The following GHRHR variants were observed in gnomAD, a reference collection of about 807,000 sequenced individuals.
GHRHR encodes the protein growth hormone-releasing hormone receptor.
In GHRHR, 40 loss-of-function variants were observed where a neutral mutation model predicts 58.3. The observed-to-expected ratio is 0.69, with a 90% CI of 0.53 to 0.89. The LOEUF (loss-of-function observed/expected upper bound fraction) is 0.89. GHRHR is among the 40% of genes least tolerant of loss of function. The pLI, the probability that GHRHR is intolerant of heterozygous loss-of-function variation, is 0.00. For synonymous variants in GHRHR, 249 were observed against 216.6 expected (o/e 1.15, Z -1.31); for missense variants, 551 against 541.3 (o/e 1.02, Z -0.18).
At chr7:30,965,834 C>T (rs1230271714) in intron 1 of GHRHR, among the ~76,000 whole-genome samples, 4 of 152,222 alleles carry the variant, frequency 2.6e-5, no homozygotes, top group African/African-American at 4.8e-5. Context: ...CATACAGGCC[C>T]ATCTGCCCTC....
At chr7:30,971,883 C>T in intron 5 of GHRHR, 80 bp from the exon 6 acceptor site, 1 of 1,306,674 alleles carries the variant, frequency 7.7e-7, no homozygotes, top group Non-Finnish European at 1.1e-6. Flanking sequence ...CACCTCCTGC[C>T]CTGTTCAGCC....
intron 4 of GHRHR, among the ~76,000 whole-genome samples, chr7:30,970,440 C>G (rs1047661577): frequency 6.6e-6 from 1 of 152,226 alleles, no homozygotes; most frequent in African/African-American, 2.4e-5. Flanking sequence ...CCAGCAGGGC[C>G]TTTGCCAGGC....
At position 30,974,350 on chromosome 7, in the gene GHRHR, G is replaced by C. The variant is rs117780502; in HGVS notation, c.752-79G>C. ...TTTGCAGTGCCCTACGTGGCTGATG[G>C]TGGTGGTGGGAGGTGGCGCCAGATC... is the stretch of plus-strand genomic sequence containing the variant. On this transcript the variant is annotated intron_variant, in intron 7 of 12. Coordinates refer to ENST00000326139, the MANE Select transcript of GHRHR (RefSeq NM_000823.4). 3.4e-6 allele frequency: 4 copies of C among 1,173,546 alleles called. No homozygotes were observed. The East Asian group carries it at 9.3e-5, about 27-fold the overall frequency. 72.7% of individuals were successfully genotyped at this position (1,173,546 alleles called of 1,614,324 possible).
chr7:30,964,016 A>G lies in GHRHR; in HGVS notation c.-53A>G. On this transcript the variant is annotated 5_prime_UTR_variant, in exon 1 of 13. Coordinates refer to ENST00000326139, the MANE Select transcript of GHRHR (RefSeq NM_000823.4). ...TGTGTCAGGGGACAGCAGGGGAAGGAAGATAGCCAAGGCTTACTGAGGCTG... is the reference window on the plus strand; with the variant it reads ...TGTGTCAGGGGACAGCAGGGGAAGGGAGATAGCCAAGGCTTACTGAGGCTG... 1 of 1,487,010 alleles carries G rather than the reference A, an allele frequency of 6.7e-7. No individual in the cohort carries two copies. Among genetic ancestry groups the G allele is most frequent in the South Asian group, 1.2e-5 (1 of 82,810 alleles). 92.1% of individuals were successfully genotyped at this position (1,487,010 alleles called of 1,614,324 possible). A position where few individuals can be genotyped will look rare whatever the true frequency, so the allele number is the denominator to read the frequency against.
intron 10 of GHRHR, 79 bp downstream of exon 10, chr7:30,975,947 C>G: frequency 1.2e-6 from 1 of 830,100 alleles, no homozygotes; most frequent in Non-Finnish European, 2.1e-6. Context: ...ATCCAATAAG[C>G]ACTCATGACC....
Position 30,979,292 on chromosome 7 carries a change from C to T in GHRHR, c.*48C>T, listed in dbSNP as rs374294592. 15 of 1,598,498 alleles carry T rather than the reference C, an allele frequency of 9.4e-6. No homozygotes were observed. The highest frequency in any genetic ancestry group is 1.2e-5 in the Non-Finnish European group (14 of 1,171,038). ...GTCCACACTTGAATTTGGGCAGCTA[C>T]CACGGGTCTGCCATGCTCTGGAGGA... is the stretch of plus-strand genomic sequence containing the variant. On this transcript the variant is annotated 3_prime_UTR_variant, in exon 13 of 13. Transcript: ENST00000326139.
At position 30,975,054 on chromosome 7, in the gene GHRHR, CCAG is replaced by C. The variant is rs1792551268; in HGVS notation, c.882+15_882+17del. ...CTCTCGGTCGGGGTCAGTCCCTGGG[CCAG>C]TGCCCTTTGCTTTATTCAGTCAACT... On this transcript the variant is annotated intron_variant, in intron 9 of 12. Transcript: ENST00000326139. The C allele has an allele frequency of 2.5e-6, 4 of 1,576,722 alleles. No individual in the cohort carries two copies. The highest frequency in any genetic ancestry group is 3.5e-6 in the Non-Finnish European group (4 of 1,145,852).
Position 30,979,139 on chromosome 7 carries a change from G to C in GHRHR, c.1167G>C (p.Arg389=). ...TGGAGGTGAGGACTGAGATCTCACG[G>C]AAGTGGCATGGCCATGACCCTGAGC... ...LNQEVRTEIS[R]KWHGHDPELL... Residue 389 remains arginine (R), a synonymous_variant, in exon 13 of 13, where the codon CGG becomes CGC. Coordinates refer to ENST00000326139, the MANE Select transcript of GHRHR (RefSeq NM_000823.4). 6.2e-7 allele frequency: 1 copy of C among 1,613,868 alleles called. No homozygotes were observed. Among genetic ancestry groups the C allele is most frequent in the Non-Finnish European group, 8.5e-7 (1 of 1,179,738 alleles).
In GHRHR at chr7:30,979,210, G is replaced by T. The variant is rs781659959; in HGVS notation, c.1238G>T (p.Arg413Leu). Residue 413 changes from arginine (R) to leucine (L), a missense_variant, in exon 13 of 13, where the codon CGC (arginine) becomes CTC (leucine). Transcript: ENST00000326139. ...RTRAKWTTPSRSAAKVLTSMC is the reference protein window; with the variant it reads ...RTRAKWTTPSLSAAKVLTSMC The stretch of plus-strand genomic sequence containing the variant: ...CGTGCTAAGTGGACCACGCCTTCCC[G>T]CTCGGCGGCAAAGGTGCTGACATCT... 2 of 1,613,986 alleles carry T rather than the reference G, an allele frequency of 1.2e-6. No homozygotes were observed. The highest frequency in any genetic ancestry group is 3.3e-5 in the Admixed American group (2 of 60,018).
rs778382856 is a variant in GHRHR at position 30,969,765 on chromosome 7, C to T, written c.269-102C>T. 1.3e-5 allele frequency: 14 copies of T among 1,112,108 alleles called. No homozygotes were observed. In the South Asian group the frequency reaches 1.6e-4, roughly 13 times the overall value. The allele number at this position is 1,112,108 out of a possible 1,614,324, so 68.9% of individuals were successfully genotyped here. A position where few individuals can be genotyped will look rare whatever the true frequency, so the allele number is the denominator to read the frequency against. On this transcript the variant is annotated intron_variant, in intron 3 of 12. Coordinates refer to ENST00000326139, the MANE Select transcript of GHRHR (RefSeq NM_000823.4). ...CTCTCTGTTGCTCAGAGGAGCTGTC[C>T]ATGCAAACCCTGCCAGGGTCACTTG...
In GHRHR at chr7:30,963,955, C is replaced by A; in HGVS notation, c.-114C>A. The A allele has an allele frequency of 1.0e-6, 1 of 993,244 alleles. No homozygotes were observed. Among genetic ancestry groups the A allele is most frequent in the South Asian group, 1.4e-5 (1 of 72,534 alleles). 61.5% of individuals were successfully genotyped at this position (993,244 alleles called of 1,614,324 possible). A position where few individuals can be genotyped will look rare whatever the true frequency, so the allele number is the denominator to read the frequency against. On this transcript the variant is annotated 5_prime_UTR_variant, in exon 1 of 13. It adds an upstream start codon to the 5' untranslated region. Transcript: ENST00000326139. The stretch of plus-strand genomic sequence containing the variant: ...AGCTCCTGCCTATGCAAACAGCCAC[C>A]TGAGAAGGGGAAGCAGAGGGTGCGG...
At chr7:30,974,766 G>A (rs941171824) in intron 8 of GHRHR, among the ~76,000 whole-genome samples, 1 of 152,146 alleles carries the variant, frequency 6.6e-6, no homozygotes, top group Non-Finnish European at 1.5e-5. Flanking sequence ...GTTCAGAAAC[G>A]TTTGTCCATC....
In GHRHR at chr7:30,969,169, A is replaced by G. The variant is rs1792428168; in HGVS notation, c.267A>G (p.Ser89=). 1.3e-6 allele frequency: 2 copies of G among 1,544,920 alleles called. No individual in the cohort carries two copies. Among genetic ancestry groups the G allele is most frequent in the East Asian group, 2.3e-5 (1 of 42,600 alleles). Reference sequence around the variant, plus strand: ...TCTTCTCTCACTTCAGCTCAGAGTCAGGTGAGGGGTGCTGGGTGTGGCGGT... The same window carrying G: ...TCTTCTCTCACTTCAGCTCAGAGTCGGGTGAGGGGTGCTGGGTGTGGCGGT... ...PDFFSHFSSE[S]GAVKRDCTIT... is the part of the protein sequence containing the mutation. The change falls in exon 3 of 13, where the codon TCA becomes TCG. Residue 89 remains serine (S), a splice_region_variant and synonymous_variant. Coordinates refer to ENST00000326139, the MANE Select transcript of GHRHR (RefSeq NM_000823.4).
intron 7 of GHRHR, 67 bp from the exon 8 acceptor site, chr7:30,974,362 G>A (rs1034716234): frequency 3.2e-6 from 4 of 1,238,420 alleles, no homozygotes; most frequent in African/African-American, 3.0e-5. Flanking sequence ...GGTGGTGGGA[G>A]GTGGCGCCAG....
chr7:30,965,649 T>A (rs539679372), intron 1 of GHRHR, among the ~76,000 whole-genome samples: 1 of 152,346 alleles, frequency 6.6e-6, no homozygotes, highest in South Asian at 2.1e-4. Context: ...CCTTTTGGCA[T>A]GAGGCTGCTC....
intron 11 of GHRHR, among the ~76,000 whole-genome samples, chr7:30,976,879 TCCACCCACCCATTCATCCACCCACCCAC>T (rs1792596753): frequency 3.3e-5 from 1 of 30,176 alleles, no homozygotes; most frequent in South Asian, 1.1e-3. Flanking sequence ...CACCCACCCA[TCCACCCACCCATTCATCCACCCACCCAC>T]CCATCTATAC....
At chr7:30,972,151 C>T (rs1487194597) in intron 6 of GHRHR, 56 bp downstream of exon 6, 2 of 1,596,096 alleles carry the variant, frequency 1.3e-6, no homozygotes, top group Non-Finnish European at 1.7e-6. Context: ...GGTAGGATTA[C>T]AGACCCAGAT....
At chr7:30,972,156 C>T in intron 6 of GHRHR, 61 bp downstream of exon 6, 2 of 1,579,026 alleles carry the variant, frequency 1.3e-6, no homozygotes, top group South Asian at 2.2e-5. Context: ...GATTACAGAC[C>T]CAGATGTGCC....
chr7:30,974,793 G>A (rs1267749489), intron 8 of GHRHR, among the ~76,000 whole-genome samples, 178 bp from the exon 9 acceptor site: 1 of 152,166 alleles, frequency 6.6e-6, no homozygotes, highest in Non-Finnish European at 1.5e-5. Context: ...GATAGAAAGG[G>A]TGAGCCCAGC....
Sources: allele counts gnomAD v4.1 joint callset (sites outside exome capture counted in the v4.1 genomes callset), GRCh38; gene constraint gnomAD v4.1.1; transcripts MANE v1.5; gene names NCBI Gene and HGNC (gene_info 2026-07-23, HGNC 2026-07-21).